The following MPI variants were observed in gnomAD, a reference collection of about 807,000 sequenced individuals.
MPI encodes mannose-6-phosphate isomerase.
MPI carries 33 observed loss-of-function variants against 40.1 expected under a neutral mutation model. The ratio of observed to expected loss-of-function variants is 0.82; its 90% CI spans 0.62 to 1.10. The LOEUF (loss-of-function observed/expected upper bound fraction) is 1.10. MPI is among the 50% of genes least tolerant of loss of function. The pLI, the probability that MPI is intolerant of heterozygous loss-of-function variation, is 0.00. For missense variants in MPI, 514 were observed against 524.1 expected, an observed-to-expected ratio of 0.98 and a Z score of 0.19; for synonymous variants, 187 against 207.4, an observed-to-expected ratio of 0.90 and a Z score of 0.85.
chr15:74,897,441 A>T, intron 7 of MPI, 71 bp from the exon 8 acceptor site: 3 of 1,497,500 alleles, frequency 2.0e-6, no homozygotes, highest in Non-Finnish European at 1.9e-6. Flanking sequence ...TGCCCTGGGG[A>T]CTGTCCTGGG....
At chr15:74,891,314 G>C (rs2034621942) in intron 2 of MPI, 65 bp from the exon 3 acceptor site, 6 of 1,495,650 alleles carry the variant, frequency 4.0e-6, no homozygotes, top group Non-Finnish European at 5.6e-6. Context: ...TAACGGATTG[G>C]GACAGGCCAA....
chr15:74,900,437 A>G lies in MPI; in HGVS notation c.*2707A>G, dbSNP rs907404152. On this transcript the variant is annotated 3_prime_UTR_variant, in exon 8 of 8. Coordinates refer to ENST00000352410, the MANE Select transcript of MPI (RefSeq NM_002435.3). ...CCACCCTCACCCCTAGAAGCTGCTAAACACCCAGGCCATTCTGCCCTGACC... is the reference window on the plus strand; with the variant it reads ...CCACCCTCACCCCTAGAAGCTGCTAGACACCCAGGCCATTCTGCCCTGACC... 3 of 152,266 alleles carry G rather than the reference A, an allele frequency of 2.0e-5. No individual in the cohort carries two copies. In the East Asian group the frequency reaches 5.8e-4, roughly 29 times the overall value. The allele number at this position is 152,266 out of a possible 1,614,324, so 9.4% of individuals were successfully genotyped here.
intron 5 of MPI, 31 bp downstream of exon 5, chr15:74,893,351 A>C (rs1215099354): frequency 6.2e-7 from 1 of 1,612,618 alleles, no homozygotes; most frequent in Non-Finnish European, 8.5e-7. Flanking sequence ...GGTTGGGTGC[A>C]ATGCTCTGGC....
chr15:74,890,336 G>T (rs1163066969), intron 1 of MPI, 191 bp from the exon 2 acceptor site: 1 of 865,300 alleles, frequency 1.2e-6, no homozygotes, highest in East Asian at 2.6e-5. Context: ...TCAGCACAAG[G>T]TCCTTACTGC....
chr15:74,890,648 T>C lies in MPI; in HGVS notation c.138T>C (p.Tyr46=), dbSNP rs2141196187. 1 of 1,613,802 alleles carries C rather than the reference T, an allele frequency of 6.2e-7. No homozygotes were observed. The highest frequency in any genetic ancestry group is 1.1e-5 in the South Asian group (1 of 91,088). Residue 46 remains tyrosine, a synonymous_variant, in exon 2 of 8, where the codon TAT becomes TAC. Coordinates refer to ENST00000352410, the MANE Select transcript of MPI (RefSeq NM_002435.3). ...CCCAGATCGCAGAGGACAAGCCTTA[T>C]GCAGAGGTGAGCCCCGGGCTGTATT... The part of the protein sequence containing the change: ...PLAQIAEDKP[Y]AELWMGTHPR...
rs2064705628 is a variant in MPI at position 74,890,360 on chromosome 15, G to GACA, written c.17-167_17-166insACA. 5.5e-5 allele frequency: 52 copies of GACA among 950,830 alleles called. No homozygotes were observed. The South Asian group carries it at 7.5e-4, about 14-fold the overall frequency. The allele number at this position is 950,830 out of a possible 1,614,324, so 58.9% of individuals were successfully genotyped here. ...GGTCCTTACTGCTGCCCATCTGACAGTTGGGAACATCGAGGCCTGCAGCGG... is the reference window on the plus strand; with the variant it reads ...GGTCCTTACTGCTGCCCATCTGACAGACATTGGGAACATCGAGGCCTGCAGCGG... On this transcript the variant is annotated intron_variant, in intron 1 of 7. Transcript: ENST00000352410.
rs2064920338 is a variant in MPI at position 74,900,747 on chromosome 15, A to C, written c.*3017A>C. On this transcript the variant is annotated 3_prime_UTR_variant, in exon 8 of 8. Coordinates refer to ENST00000352410, the MANE Select transcript of MPI (RefSeq NM_002435.3). Reference sequence around the variant, plus strand: ...GCTGCAGAGTCCCATTCCAGAACAGAGTAACCATCTGCCTCTCTTCCCAAG... The same window carrying C: ...GCTGCAGAGTCCCATTCCAGAACAGCGTAACCATCTGCCTCTCTTCCCAAG... 1 of 152,228 alleles carries C rather than the reference A, an allele frequency of 6.6e-6. No homozygotes were observed. Among genetic ancestry groups the C allele is most frequent in the African/African-American group, 2.4e-5 (1 of 41,448 alleles). 9.4% of individuals were successfully genotyped at this position (152,228 alleles called of 1,614,324 possible).
intron 2 of MPI, 144 bp downstream of exon 2, chr15:74,890,798 G>C: frequency 6.5e-6 from 7 of 1,083,506 alleles, no homozygotes; most frequent in Admixed American, 1.9e-5. Flanking sequence ...GGACTAGATA[G>C]TGTTATCAAA....
rs1276918786 is a variant in MPI, at chr15:74,897,132, GCT to G, written c.969_970del (p.Phe324SerfsTer15). On this transcript the variant is annotated frameshift_variant, in exon 7 of 8. Coordinates refer to ENST00000352410, the MANE Select transcript of MPI (RefSeq NM_002435.3). LOFTEE classifies it high-confidence loss of function. The part of the protein sequence containing the change: ...SYTPSSSKDR[L>X]FLPTRSQEDP... ...ATACCCCTAGCTCCAGCAAGGACAG[GCT>G]CTTTCTCCCAACACGGAGTCAGGAA... 6 of 1,614,182 alleles carry G rather than the reference GCT, an allele frequency of 3.7e-6. No homozygotes were observed. Among genetic ancestry groups the G allele is most frequent in the Admixed American group, 3.3e-5 (2 of 60,018 alleles).
chr15:74,896,098 T>C (rs2064813343), intron 5 of MPI, 54 bp from the exon 6 acceptor site: 3 of 1,605,650 alleles, frequency 1.9e-6, no homozygotes, highest in South Asian at 2.2e-5. Flanking sequence ...TGTGGGGCTA[T>C]GAACAGCACT....
intron 5 of MPI, 182 bp downstream of exon 5, chr15:74,893,502 T>C: frequency 2.8e-6 from 2 of 704,138 alleles, no homozygotes; most frequent in Non-Finnish European, 5.1e-6. Context: ...AGGGCCCTTC[T>C]TAGTTGAGTG....
intron 5 of MPI, among the ~76,000 whole-genome samples, chr15:74,894,623 CAA>C (rs199794406): frequency 6.3e-5 from 8 of 126,814 alleles, no homozygotes; most frequent in Admixed American, 7.9e-5. Flanking sequence ...GACTCTGTCT[CAA>C]AAAAAAAAAA....
chr15:74,890,365 G>C, intron 1 of MPI, 162 bp from the exon 2 acceptor site: 1 of 968,294 alleles, frequency 1.0e-6, no homozygotes, highest in Non-Finnish European at 1.6e-6. Flanking sequence ...TGACAGTTGG[G>C]AACATCGAGG....
chr15:74,897,467 G>T, intron 7 of MPI, 45 bp from the exon 8 acceptor site: 1 of 1,587,052 alleles, frequency 6.3e-7, no homozygotes, highest in South Asian at 1.1e-5. Flanking sequence ...GAGCTGATGA[G>T]AGCAGAGTCT....
In MPI at chr15:74,894,107, T is replaced by TGTGTGTGTGTGTGTTTTCTGAGCCAG. The variant is rs1555478772; in HGVS notation, c.670+788_670+789insTGTGTGTGTGTGTTTTCTGAGCCAGG. On this transcript the variant is annotated intron_variant, in intron 5 of 7. Coordinates refer to ENST00000352410, the MANE Select transcript of MPI (RefSeq NM_002435.3). ...GTGTGTGTGTGTGTGTGTGTGTGTG[T>TGTGTGTGTGTGTGTTTTCTGAGCCAG]GGTCTCTTTCTGTTGCCCCAGGCTG... Among the ~76,000 whole-genome samples the TGTGTGTGTGTGTGTTTTCTGAGCCAG allele has an allele frequency of 6.2e-3, 376 of 60,998 alleles. 131 individuals carry two copies. Among genetic ancestry groups the TGTGTGTGTGTGTGTTTTCTGAGCCAG allele is most frequent in the Non-Finnish European group, 0.014 (294 of 21,578 alleles). 40.0% of individuals were successfully genotyped at this position (60,998 alleles called of 152,430 possible). A position where few individuals can be genotyped will look rare whatever the true frequency, so the allele number is the denominator to read the frequency against.
chr15:74,892,447 T>C (rs1316923042), intron 3 of MPI, among the ~76,000 whole-genome samples: 1 of 152,240 alleles, frequency 6.6e-6, no homozygotes, highest in Non-Finnish European at 1.5e-5. Context: ...TTTCCCTGAT[T>C]TGCCCCGGGG....
At chr15:74,892,192 C>T (rs1385992140) in intron 3 of MPI, among the ~76,000 whole-genome samples, 1 of 152,184 alleles carries the variant, frequency 6.6e-6, no homozygotes, top group Admixed American at 6.5e-5. Context: ...TGGGGTTTCA[C>T]CATGTTGGCC....
chr15:74,894,102 G>GAC, intron 5 of MPI, among the ~76,000 whole-genome samples: 1 of 56,788 alleles, frequency 1.8e-5, no homozygotes, highest in East Asian at 4.0e-4. Flanking sequence ...GTGTGTGTGT[G>GAC]TGTGTGGTCT....
Position 74,892,606 on chromosome 15 carries a change from T to A in MPI, c.346-55T>A, listed in dbSNP as rs549934113. 12 of 1,610,558 alleles carry A rather than the reference T, an allele frequency of 7.5e-6. 1 individual carries two copies. In the South Asian group the frequency reaches 1.3e-4, roughly 18 times the overall value. The stretch of plus-strand genomic sequence containing the variant: ...AGGGGCTAGGTGGCACTGGTGTACC[T>A]GCTAGGTAATGGCTGTACCCTCACC... On this transcript the variant is annotated intron_variant, in intron 3 of 7. Coordinates refer to ENST00000352410, the MANE Select transcript of MPI (RefSeq NM_002435.3).
Sources: allele counts gnomAD v4.1 joint callset (sites outside exome capture counted in the v4.1 genomes callset), GRCh38; gene constraint gnomAD v4.1.1; transcripts MANE v1.5; gene names NCBI Gene and HGNC (gene_info 2026-07-23, HGNC 2026-07-21).